The following BRD10 variants were observed in gnomAD, a reference collection of about 807,000 sequenced individuals.
BRD10 encodes the protein bromodomain containing 10, also known as uncharacterized bromodomain-containing protein 10.
the BRD10 span, among the ~76,000 whole-genome samples, chr9:5,969,906 G>C: frequency 2.0e-5 from 3 of 152,106 alleles, no homozygotes. Context: ...GCTTTTTTCA[G>C]ATGAAGAAAT....
the BRD10 span, among the ~76,000 whole-genome samples, chr9:5,950,802 G>C: frequency 9.2e-5 from 14 of 151,924 alleles, 1 homozygote; most frequent in Middle Eastern, 3.4e-3. Context: ...ATATAAAGTG[G>C]TATAGTATCT....
the BRD10 span, among the ~76,000 whole-genome samples, chr9:5,980,722 T>C: frequency 1.3e-5 from 2 of 152,160 alleles, no homozygotes; most frequent in African/African-American, 2.4e-5. Flanking sequence ...ATCTACTTTT[T>C]AGTTTGTGTC....
chr9:5,993,965 T>C, the BRD10 span, among the ~76,000 whole-genome samples: 3 of 152,220 alleles, frequency 2.0e-5, no homozygotes, highest in Non-Finnish European at 4.4e-5. Context: ...GCATATTTGA[T>C]AGATAAGCAT....
the BRD10 span, among the ~76,000 whole-genome samples, chr9:5,905,321 G>A: frequency 2.0e-5 from 3 of 152,152 alleles, no homozygotes; most frequent in Non-Finnish European, 4.4e-5. Context: ...TGGCCATGAC[G>A]GGAAGGGAGG....
At chr9:5,919,482 C>T in the BRD10 span, 28 of 520,538 alleles carry the variant, frequency 5.4e-5, 2 homozygotes, top group South Asian at 8.5e-4. Flanking sequence ...TGAAATGGAA[C>T]AGATCTTTCC....
the BRD10 span, chr9:6,008,151 C>T: frequency 5.1e-6 from 5 of 981,100 alleles, no homozygotes; most frequent in Non-Finnish European, 6.1e-6. Flanking sequence ...GCGCCCCACC[C>T]CCTCCCGGGC....
chr9:5,905,588 CCCTTA>C, the BRD10 span, among the ~76,000 whole-genome samples: 2 of 152,188 alleles, frequency 1.3e-5, no homozygotes, highest in Non-Finnish European at 2.9e-5. Flanking sequence ...ATTGCAGACT[CCCTTA>C]CCTTAAGCAT....
the BRD10 span, among the ~76,000 whole-genome samples, chr9:5,904,078 G>A: frequency 6.6e-6 from 1 of 151,860 alleles, no homozygotes; most frequent in Non-Finnish European, 1.5e-5. Context: ...GGCTGGTCTT[G>A]AACTCCTGAG....
chr9:5,994,786 C>A, the BRD10 span, among the ~76,000 whole-genome samples: 1 of 152,194 alleles, frequency 6.6e-6, no homozygotes, highest in Non-Finnish European at 1.5e-5. Context: ...CCCTTATAAT[C>A]TGTTGTCTAA....
At chr9:5,933,791 G>A in the BRD10 span, 1 of 471,330 alleles carries the variant, frequency 2.1e-6, no homozygotes, top group Non-Finnish European at 4.4e-6. Flanking sequence ...ACAGTAATCT[G>A]GGATGGGTAT....
At chr9:5,933,196 T>C in the BRD10 span, among the ~76,000 whole-genome samples, 2 of 152,194 alleles carry the variant, frequency 1.3e-5, no homozygotes, top group Non-Finnish European at 2.9e-5. Flanking sequence ...CTCTCCTTTA[T>C]AAACAAGTAT....
At chr9:5,969,345 T>A in the BRD10 span, 1 of 1,612,786 alleles carries the variant, frequency 6.2e-7, no homozygotes, top group Non-Finnish European at 8.5e-7. Context: ...TCCATACAAG[T>A]TGGAGCTGCT....
At chr9:5,921,833 T>C in the BRD10 span, 1 of 1,614,006 alleles carries the variant, frequency 6.2e-7, no homozygotes, top group Non-Finnish European at 8.5e-7. Context: ...GTGTGAAGTT[T>C]TATCTATCAC....
the BRD10 span, among the ~76,000 whole-genome samples, chr9:5,971,162 C>T: frequency 6.6e-6 from 1 of 151,076 alleles, no homozygotes; most frequent in African/African-American, 2.4e-5. Context: ...TGAAAAGATG[C>T]TCAGCCTCAT....
chr9:5,914,202 G>GT, the BRD10 span: 655 of 333,142 alleles, frequency 2.0e-3, 1 homozygote, highest in African/African-American at 0.013. Context: ...GGTTAAAATT[G>GT]TAAGGGCTTA....
At chr9:5,909,189 AG>A in the BRD10 span, 1 of 155,000 alleles carries the variant, frequency 6.5e-6, no homozygotes, top group East Asian at 1.9e-4. Flanking sequence ...TATCTGATCA[AG>A]AACATGTCAG....
the BRD10 span, among the ~76,000 whole-genome samples, chr9:5,954,997 A>T: frequency 6.6e-6 from 1 of 152,056 alleles, no homozygotes; most frequent in East Asian, 1.9e-4. Flanking sequence ...CTGAGACAGG[A>T]GAATCATGTG....
the BRD10 span, among the ~76,000 whole-genome samples, chr9:5,976,949 T>C: frequency 6.6e-5 from 10 of 152,170 alleles, no homozygotes; most frequent in African/African-American, 2.2e-4. Flanking sequence ...GAAAAAACTT[T>C]TATGGACTTG....
the BRD10 span, among the ~76,000 whole-genome samples, chr9:5,924,015 A>C: frequency 6.6e-6 from 1 of 152,230 alleles, no homozygotes; most frequent in African/African-American, 2.4e-5. Context: ...TATTAAAATG[A>C]TGTGTTCATT....
Sources: gnomAD v4.1 joint callset for allele counts (sites outside exome capture counted in the v4.1 genomes callset) on GRCh38, gnomAD v4.1.1 for gene constraint, MANE v1.5 for transcripts, NCBI Gene and HGNC (gene_info 2026-07-23, HGNC 2026-07-21) for gene names.